EXOC4: variants seen among roughly 807,000 people sequenced by gnomAD.
The protein encoded by EXOC4 is exocyst complex component 4.
EXOC4 carries 71 observed loss-of-function variants against 107.2 expected under a neutral mutation model. The observed-to-expected ratio is 0.66, with a 90% CI of 0.55 to 0.81. The LOEUF is 0.81. Among genes scored for constraint, EXOC4 ranks in the 30% least tolerant of loss-of-function variants. The probability of loss-of-function intolerance (pLI) is 0.00; values close to 1 mark genes in which losing one functional copy is unlikely to be tolerated. For synonymous variants in EXOC4, 456 were observed against 441.2 expected (o/e 1.03, Z -0.42); for missense variants, 1,108 against 1,189.6 (o/e 0.93, Z 1.01).
intron 6 of EXOC4, among the ~76,000 whole-genome samples, chr7:133,364,221 C>G (rs764358569): frequency 3.3e-5 from 5 of 152,114 alleles, no homozygotes; most frequent in Admixed American, 2.6e-4. Context: ...CTTGACCCCC[C>G]CTGGGCTCAA....
intron 10 of EXOC4, among the ~76,000 whole-genome samples, chr7:133,665,201 G>A (rs1793784787): frequency 6.6e-6 from 1 of 152,102 alleles, no homozygotes; most frequent in Non-Finnish European, 1.5e-5. Flanking sequence ...CCATGCATTT[G>A]TTTCCATTAT....
chr7:133,575,722 C>T (rs1301869458), intron 9 of EXOC4, among the ~76,000 whole-genome samples: 2 of 152,168 alleles, frequency 1.3e-5, no homozygotes, highest in Non-Finnish European at 2.9e-5. Context: ...CCTGGCTTCC[C>T]TGATGCCCAG....
chr7:134,061,596 C>T (rs1419059721), intron 17 of EXOC4, among the ~76,000 whole-genome samples: 3 of 152,184 alleles, frequency 2.0e-5, no homozygotes, highest in Non-Finnish European at 4.4e-5. Flanking sequence ...TTGAAAGAAT[C>T]GTGAGCCCCA....
intron 7 of EXOC4, among the ~76,000 whole-genome samples, chr7:133,467,239 T>TG (rs1798752341): frequency 6.6e-6 from 1 of 151,656 alleles, no homozygotes; most frequent in Non-Finnish European, 1.5e-5. Flanking sequence ...TTTTTTTTTT[T>TG]GCAGAATGAC....
intron 5 of EXOC4, among the ~76,000 whole-genome samples, chr7:133,320,482 C>G (rs1698418777): frequency 1.3e-5 from 2 of 152,168 alleles, no homozygotes; most frequent in Admixed American, 6.5e-5. Flanking sequence ...CCTCTTTCCT[C>G]TTTTTAAGGA....
intron 7 of EXOC4, among the ~76,000 whole-genome samples, chr7:133,447,716 G>A (rs1004630685): frequency 1.3e-5 from 2 of 151,864 alleles, no homozygotes; most frequent in African/African-American, 4.8e-5. Flanking sequence ...CTTTATCCCA[G>A]GGATAATTTT....
At chr7:133,512,613 A>C (rs1379256319) in intron 9 of EXOC4, among the ~76,000 whole-genome samples, 5 of 152,102 alleles carry the variant, frequency 3.3e-5, no homozygotes, top group Non-Finnish European at 4.4e-5. Flanking sequence ...CAATGCGCAC[A>C]AGAAATTGAA....
intron 6 of EXOC4, among the ~76,000 whole-genome samples, chr7:133,368,387 G>C (rs561694207): frequency 9.4e-4 from 143 of 152,266 alleles, no homozygotes; most frequent in African/African-American, 3.2e-3. Flanking sequence ...ATATAAGCAG[G>C]ACTTTACTAA....
chr7:133,879,384 A>G lies in EXOC4; in HGVS notation c.1735-16215A>G, dbSNP rs1005882513. 3.3e-5 allele frequency among the ~76,000 whole-genome samples: 5 copies of G among 152,120 alleles called. No individual in the cohort carries two copies. The East Asian group carries it at 5.8e-4, about 18-fold the overall frequency. Reference sequence around the variant, plus strand: ...GCTGGGATTATGGGTATGAGCCACCACATCCTGCCTTATTTTGTAATTATG... The same window carrying G: ...GCTGGGATTATGGGTATGAGCCACCGCATCCTGCCTTATTTTGTAATTATG... On this transcript the variant is annotated intron_variant, in intron 11 of 17. Coordinates refer to ENST00000253861, the MANE Select transcript of EXOC4 (RefSeq NM_021807.4).
intron 17 of EXOC4, among the ~76,000 whole-genome samples, chr7:134,028,470 C>T (rs757579584): frequency 2.0e-5 from 3 of 152,164 alleles, no homozygotes; most frequent in Non-Finnish European, 4.4e-5. Context: ...AATATAAGAA[C>T]CGCAATTATG....
intron 5 of EXOC4, among the ~76,000 whole-genome samples, chr7:133,333,550 T>C (rs575584610): frequency 1.3e-5 from 2 of 152,296 alleles, no homozygotes; most frequent in South Asian, 2.1e-4. Context: ...CTAGGAGATA[T>C]GTATGTGCAT....
At chr7:133,883,320 C>CTT (rs61066187) in intron 11 of EXOC4, among the ~76,000 whole-genome samples, 22 of 132,262 alleles carry the variant, frequency 1.7e-4, no homozygotes, top group African/African-American at 2.8e-4. Context: ...ATGAGAATTG[C>CTT]TTTTTTTTTT....
chr7:134,023,801 G>A (rs1015538488), intron 17 of EXOC4, among the ~76,000 whole-genome samples: 1 of 152,202 alleles, frequency 6.6e-6, no homozygotes, highest in Non-Finnish European at 1.5e-5. Flanking sequence ...AGGGATGGCA[G>A]TGTTTTATCT....
chr7:133,616,537 T>A (rs1802199311), intron 9 of EXOC4, among the ~76,000 whole-genome samples: 2 of 152,090 alleles, frequency 1.3e-5, no homozygotes, highest in East Asian at 3.9e-4. Flanking sequence ...ATTGAGAAAA[T>A]TTTTAGACTA....
intron 7 of EXOC4, among the ~76,000 whole-genome samples, chr7:133,462,280 C>T (rs1036290797): frequency 6.6e-6 from 1 of 152,124 alleles, no homozygotes; most frequent in Non-Finnish European, 1.5e-5. Flanking sequence ...TCCCTGTAAC[C>T]TCAACTTGAG....
chr7:133,886,068 A>G (rs746538959), intron 11 of EXOC4, among the ~76,000 whole-genome samples: 15 of 152,104 alleles, frequency 9.9e-5, no homozygotes, highest in Non-Finnish European at 1.5e-4. Flanking sequence ...CCTCGTTAGT[A>G]TAACCAGAGA....
intron 9 of EXOC4, among the ~76,000 whole-genome samples, chr7:133,543,051 G>T (rs1176762919): frequency 6.6e-6 from 1 of 152,068 alleles, no homozygotes; most frequent in Non-Finnish European, 1.5e-5. Context: ...AATATATTGA[G>T]AAACTTGAGC....
intron 4 of EXOC4, among the ~76,000 whole-genome samples, chr7:133,310,129 T>C (rs550916835): frequency 2.0e-5 from 3 of 152,324 alleles, no homozygotes; most frequent in African/African-American, 7.2e-5. Flanking sequence ...AGAAAATGTT[T>C]AATTTTGTTT....
chr7:133,867,430 T>C (rs1298656152), intron 11 of EXOC4, among the ~76,000 whole-genome samples: 3 of 152,194 alleles, frequency 2.0e-5, no homozygotes, highest in African/African-American at 7.2e-5. Flanking sequence ...TAAAACCTCT[T>C]ACCCCTTCCC....
Sources: gnomAD v4.1 joint callset for allele counts (sites outside exome capture counted in the v4.1 genomes callset) on GRCh38, gnomAD v4.1.1 for gene constraint, MANE v1.5 for transcripts, NCBI Gene and HGNC (gene_info 2026-07-23, HGNC 2026-07-21) for gene names.